The following RUNX1 variants were observed in gnomAD, a reference collection of about 807,000 sequenced individuals.
The protein encoded by RUNX1 is runt-related transcription factor 1.
RUNX1 carries 19 observed loss-of-function variants against 42.8 expected under a neutral mutation model. The ratio of observed to expected loss-of-function variants is 0.44; its 90% confidence interval spans 0.31 to 0.65. The LOEUF (loss-of-function observed/expected upper bound fraction) is 0.65, where lower values mean the gene tolerates loss of function less well. RUNX1 is among the 30% of genes least tolerant of loss of function. The pLI, the probability that RUNX1 is intolerant of heterozygous loss-of-function variation, is 0.07. For synonymous variants in RUNX1, 271 were observed against 289.4 expected, an observed-to-expected ratio of 0.94 and a Z score of 0.64; for missense variants, 528 against 672.0, an observed-to-expected ratio of 0.79 and a Z score of 2.37.
chr21:34,833,313 C>G (rs1033063230), intron 7 of RUNX1: 2 of 152,222 alleles, frequency 1.3e-5, no homozygotes, highest in Non-Finnish European at 2.9e-5. Flanking sequence ...ACCATGTTAG[C>G]CAGGATGGTC....
chr21:35,026,950 G>A (rs1286840837), intron 2 of RUNX1, among the ~76,000 whole-genome samples: 1 of 152,240 alleles, frequency 6.6e-6, no homozygotes, highest in Non-Finnish European at 1.5e-5. Flanking sequence ...TTTAACTGCC[G>A]GTTTATTTTT....
At chr21:34,852,248 A>G (rs1392910810) in intron 6 of RUNX1, among the ~76,000 whole-genome samples, 2 of 152,180 alleles carry the variant, frequency 1.3e-5, no homozygotes, top group African/African-American at 4.8e-5. Context: ...AGACAGGAAA[A>G]GTTACCAAGA....
intron 2 of RUNX1, among the ~76,000 whole-genome samples, chr21:34,919,269 T>C (rs969022358): frequency 6.6e-6 from 1 of 152,180 alleles, no homozygotes; most frequent in Non-Finnish European, 1.5e-5. Flanking sequence ...TTTGCAAGTA[T>C]AGTCTTTGAA....
chr21:35,000,383 G>A (rs1029857268), intron 2 of RUNX1, among the ~76,000 whole-genome samples: 3 of 151,838 alleles, frequency 2.0e-5, no homozygotes, highest in South Asian at 2.1e-4. Context: ...TGGGACTACA[G>A]GCACCCACCA....
chr21:34,924,441 G>A (rs1465229406), intron 2 of RUNX1, among the ~76,000 whole-genome samples: 1 of 152,186 alleles, frequency 6.6e-6, no homozygotes, highest in African/African-American at 2.4e-5. Context: ...GTGATATCAG[G>A]GTAGAGTTTG....
intron 7 of RUNX1, among the ~76,000 whole-genome samples, chr21:34,801,453 A>G (rs1294807297): frequency 6.6e-6 from 1 of 152,236 alleles, no homozygotes; most frequent in Non-Finnish European, 1.5e-5. Flanking sequence ...ATAATATTTC[A>G]CAGCCTTTAA....
chr21:34,950,214 C>T (rs927255777), intron 2 of RUNX1, among the ~76,000 whole-genome samples: 1 of 152,206 alleles, frequency 6.6e-6, no homozygotes, highest in Non-Finnish European at 1.5e-5. Context: ...TACATTGTTA[C>T]ACAGCTACAT....
intron 2 of RUNX1, among the ~76,000 whole-genome samples, chr21:35,012,426 T>C (rs935006440): frequency 1.3e-5 from 2 of 152,212 alleles, no homozygotes; most frequent in African/African-American, 4.8e-5. Flanking sequence ...ATTTCTCACA[T>C]CTATAATTCT....
chr21:34,924,596 T>C (rs2146567985), intron 2 of RUNX1, among the ~76,000 whole-genome samples: 1 of 152,282 alleles, frequency 6.6e-6, no homozygotes, highest in Non-Finnish European at 1.5e-5. Flanking sequence ...TGCGGTTTAG[T>C]ATCACTGAAA....
chr21:34,921,337 T>G (rs1490876774), intron 2 of RUNX1, among the ~76,000 whole-genome samples: 2 of 152,220 alleles, frequency 1.3e-5, no homozygotes, highest in Non-Finnish European at 2.9e-5. Context: ...ATCATTCTTC[T>G]TTCTGTCTCT....
intron 2 of RUNX1, among the ~76,000 whole-genome samples, chr21:35,037,753 T>C (rs1030743392): frequency 3.3e-5 from 5 of 152,204 alleles, no homozygotes; most frequent in Non-Finnish European, 4.4e-5. Flanking sequence ...AAAATTTTAA[T>C]ACAGTAAGGC....
chr21:35,010,438 C>G (rs1202384237), intron 2 of RUNX1, among the ~76,000 whole-genome samples: 1 of 152,184 alleles, frequency 6.6e-6, no homozygotes, highest in Non-Finnish European at 1.5e-5. Context: ...TTACCAGACA[C>G]TTCACATTAA....
intron 2 of RUNX1, among the ~76,000 whole-genome samples, chr21:35,043,113 CCT>C (rs1318906608): frequency 1.3e-5 from 2 of 152,064 alleles, no homozygotes; most frequent in African/African-American, 4.8e-5. Context: ...GGTTTTGAGC[CCT>C]GTTTTGTGTT....
In RUNX1 at chr21:34,924,680, G is replaced by A. The variant is rs142237038; in HGVS notation, c.59-31717C>T. ...GGAGTATCATGTTTATTATGCTGAAGAGTTCAATTTTATCTCTTTCCTGAA... is the reference window on the plus strand; with the variant it reads ...GGAGTATCATGTTTATTATGCTGAAAAGTTCAATTTTATCTCTTTCCTGAA... On this transcript the variant is annotated intron_variant, in intron 2 of 8. Transcript: ENST00000675419. 4.6e-5 allele frequency among the ~76,000 whole-genome samples: 7 copies of A among 152,316 alleles called. No homozygotes were observed. In the East Asian group the frequency reaches 1.2e-3, roughly 25 times the overall value.
chr21:34,930,289 T>TATATATATATATATATATAA (rs1555906453), intron 2 of RUNX1, among the ~76,000 whole-genome samples: 54 of 137,302 alleles, frequency 3.9e-4, no homozygotes, highest in African/African-American at 1.5e-3. Context: ...TATATATATA[T>TATATATATATATATATATAA]ATAAATAAAT....
chr21:34,994,811 A>C (rs1242762278), intron 2 of RUNX1, among the ~76,000 whole-genome samples: 1 of 152,264 alleles, frequency 6.6e-6, no homozygotes, highest in Non-Finnish European at 1.5e-5. Context: ...TGGTCAATAG[A>C]TATAGACTGA....
chr21:34,868,707 T>C (rs1398217023), intron 5 of RUNX1, among the ~76,000 whole-genome samples: 1 of 152,254 alleles, frequency 6.6e-6, no homozygotes, highest in African/African-American at 2.4e-5. Flanking sequence ...ATCTATCATG[T>C]GTTATCTACT....
chr21:35,039,577 T>C (rs1358013336), intron 2 of RUNX1, among the ~76,000 whole-genome samples: 1 of 152,228 alleles, frequency 6.6e-6, no homozygotes, highest in Non-Finnish European at 1.5e-5. Flanking sequence ...CAATGTCTCA[T>C]AGTTCATATG....
intron 2 of RUNX1, among the ~76,000 whole-genome samples, chr21:35,039,649 G>A (rs2059343183): frequency 6.6e-6 from 1 of 151,924 alleles, no homozygotes; most frequent in African/African-American, 2.4e-5. Flanking sequence ...TTATTTCTTT[G>A]TTTTGAATAC....
Sources: gnomAD v4.1 joint callset for allele counts (sites outside exome capture counted in the v4.1 genomes callset) on GRCh38, gnomAD v4.1.1 for gene constraint, MANE v1.5 for transcripts, NCBI Gene and HGNC (gene_info 2026-07-23, HGNC 2026-07-21) for gene names.